The following CYP7B1 variants were observed in gnomAD, a reference collection of about 807,000 sequenced individuals.
CYP7B1 encodes cytochrome P450 family 7 subfamily B member 1.
Under a neutral mutation model 42.7 loss-of-function variants are expected in CYP7B1, and 29 were observed. The observed-to-expected ratio is 0.68, with a 90% CI of 0.51 to 0.93. The LOEUF (loss-of-function observed/expected upper bound fraction) is 0.93. Ranked by LOEUF, CYP7B1 falls within the 40% of genes least tolerant of loss-of-function variation. The probability of loss-of-function intolerance (pLI) is 0.00; values close to 1 mark genes in which losing one functional copy is unlikely to be tolerated. For synonymous variants in CYP7B1, 235 were observed against 218.2 expected, an observed-to-expected ratio of 1.08 and a Z score of -0.68; for missense variants, 655 against 600.5, an observed-to-expected ratio of 1.09 and a Z score of -0.95.
chr8:64,783,184 A>G (rs188499576), intron 1 of CYP7B1, among the ~76,000 whole-genome samples: 54 of 152,296 alleles, frequency 3.5e-4, no homozygotes, highest in African/African-American at 1.2e-3. Flanking sequence ...GGGAAGAAAC[A>G]AGAAAAACAT....
chr8:64,695,943 C>A (rs898613578), intron 1 of CYP7B1, among the ~76,000 whole-genome samples: 7 of 152,014 alleles, frequency 4.6e-5, no homozygotes, highest in Non-Finnish European at 1.0e-4. Context: ...TTTAAAAATG[C>A]AAAATGTAGA....
intron 1 of CYP7B1, among the ~76,000 whole-genome samples, chr8:64,692,156 C>G (rs1806756335): frequency 6.6e-6 from 1 of 152,224 alleles, no homozygotes; most frequent in Non-Finnish European, 1.5e-5. Context: ...TGATTCTATT[C>G]TCATGAAGCA....
At chr8:64,761,928 C>A (rs1807897077) in intron 1 of CYP7B1, among the ~76,000 whole-genome samples, 1 of 152,122 alleles carries the variant, frequency 6.6e-6, no homozygotes, top group South Asian at 2.1e-4. Context: ...ACTGTTCGCT[C>A]CTATGCATAT....
At chr8:64,722,777 T>C (rs1807265526) in intron 1 of CYP7B1, among the ~76,000 whole-genome samples, 1 of 148,524 alleles carries the variant, frequency 6.7e-6, no homozygotes, top group Non-Finnish European at 1.5e-5. Context: ...TTTTTTATTA[T>C]TATTATTTTG....
intron 1 of CYP7B1, among the ~76,000 whole-genome samples, chr8:64,722,657 C>T (rs1807256678): frequency 7.2e-6 from 1 of 139,700 alleles, no homozygotes. Flanking sequence ...ACTCCTGATG[C>T]TTACCTAGGA....
chr8:64,732,005 G>A (rs1436723662), intron 1 of CYP7B1, among the ~76,000 whole-genome samples: 1 of 152,258 alleles, frequency 6.6e-6, no homozygotes, highest in Non-Finnish European at 1.5e-5. Context: ...GTGTGCTACA[G>A]GGGCAGAGCC....
At position 64,753,155 on chromosome 8, in the gene CYP7B1, C is replaced by T. The variant is rs148080895; in HGVS notation, c.122+45311G>A. Among the ~76,000 whole-genome samples the T allele has an allele frequency of 5.3e-5, 8 of 152,284 alleles. No homozygotes were observed. In the East Asian group the frequency reaches 7.7e-4, roughly 15 times the overall value. Reference sequence around the variant, plus strand: ...ACAATGGTTCTCTCTAAATGGTTAACACTCTTTTAAAAATAAACAATAGAC... The same window carrying T: ...ACAATGGTTCTCTCTAAATGGTTAATACTCTTTTAAAAATAAACAATAGAC... On this transcript the variant is annotated intron_variant, in intron 1 of 5. Transcript: ENST00000310193.
At chr8:64,780,140 C>A (rs541902672) in intron 1 of CYP7B1, among the ~76,000 whole-genome samples, 1 of 152,058 alleles carries the variant, frequency 6.6e-6, no homozygotes, top group African/African-American at 2.4e-5. Flanking sequence ...TTTAATGGAA[C>A]TGCAGAAAAT....
chr8:64,700,490 G>T (rs566645225), intron 1 of CYP7B1, among the ~76,000 whole-genome samples: 1 of 152,116 alleles, frequency 6.6e-6, no homozygotes, highest in Admixed American at 6.6e-5. Context: ...TGTATGGGAA[G>T]TACCATCTAT....
chr8:64,760,492 A>G (rs1807872836), intron 1 of CYP7B1, among the ~76,000 whole-genome samples: 1 of 152,118 alleles, frequency 6.6e-6, no homozygotes, highest in Non-Finnish European at 1.5e-5. Flanking sequence ...TAAGGAATTC[A>G]TACCACCCAA....
At position 64,798,332 on chromosome 8, in the gene CYP7B1, G is replaced by A. The variant is rs145146023; in HGVS notation, c.122+134C>T. 41 of 1,298,032 alleles carry A rather than the reference G, an allele frequency of 3.2e-5. No homozygotes were observed. The East Asian group carries it at 1.2e-3, about 39-fold the overall frequency. The allele number at this position is 1,298,032 out of a possible 1,614,324, so 80.4% of individuals were successfully genotyped here. A position where few individuals can be genotyped will look rare whatever the true frequency, so the allele number is the denominator to read the frequency against. ...GCCTTTGTTATTACAAAGTCCCAAA[G>A]GAAGCCAGTACCCCGCAGCAAGTTC... On this transcript the variant is annotated intron_variant, in intron 1 of 5. Transcript: ENST00000310193.
intron 1 of CYP7B1, among the ~76,000 whole-genome samples, chr8:64,770,268 A>ATC (rs1224057527): frequency 2.0e-5 from 3 of 152,256 alleles, no homozygotes; most frequent in Non-Finnish European, 4.4e-5. Context: ...GAAAAAAATT[A>ATC]AACTATAGTT....
At chr8:64,726,627 A>G (rs1291470069) in intron 1 of CYP7B1, among the ~76,000 whole-genome samples, 1 of 152,174 alleles carries the variant, frequency 6.6e-6, no homozygotes, top group African/African-American at 2.4e-5. Flanking sequence ...TGAGTGTTCT[A>G]CCTCGCTGTG....
chr8:64,712,189 T>C (rs537315316), intron 1 of CYP7B1, among the ~76,000 whole-genome samples: 1 of 152,248 alleles, frequency 6.6e-6, no homozygotes, highest in Admixed American at 6.5e-5. Context: ...TTGAAAATCA[T>C]ACTCTAAAAT....
intron 1 of CYP7B1, among the ~76,000 whole-genome samples, chr8:64,645,105 G>C (rs201358618): frequency 0.062 from 9,209 of 149,428 alleles, 331 homozygotes; most frequent in South Asian, 0.15. Flanking sequence ...ATTTTTTATG[G>C]CAGCATAGTA....
chr8:64,737,824 T>G (rs1217013699), intron 1 of CYP7B1, among the ~76,000 whole-genome samples: 2 of 152,230 alleles, frequency 1.3e-5, no homozygotes, highest in Non-Finnish European at 2.9e-5. Flanking sequence ...GTTGTTCTTA[T>G]TCTTGCTTGT....
intron 1 of CYP7B1, among the ~76,000 whole-genome samples, chr8:64,670,588 G>C (rs1027870767): frequency 6.6e-6 from 1 of 152,108 alleles, no homozygotes; most frequent in Non-Finnish European, 1.5e-5. Context: ...TAACTCAAAG[G>C]AGGCAGGAGC....
intron 5 of CYP7B1, among the ~76,000 whole-genome samples, chr8:64,600,280 A>C (rs1805182066): frequency 6.6e-6 from 1 of 152,060 alleles, no homozygotes; most frequent in African/African-American, 2.4e-5. Context: ...ATTGCATAAC[A>C]CCCTAATTTG....
At chr8:64,659,471 C>T (rs769878548) in intron 1 of CYP7B1, among the ~76,000 whole-genome samples, 58 of 151,984 alleles carry the variant, frequency 3.8e-4, no homozygotes, top group Admixed American at 6.6e-4. Flanking sequence ...ATATACAATG[C>T]TCTTAGAATT....
Sources: allele counts gnomAD v4.1 joint callset (sites outside exome capture counted in the v4.1 genomes callset), GRCh38; gene constraint gnomAD v4.1.1; transcripts MANE v1.5; gene names NCBI Gene and HGNC (gene_info 2026-07-23, HGNC 2026-07-21).